The following FBXL13 variants were observed in gnomAD, a reference collection of about 807,000 sequenced individuals.
The protein encoded by FBXL13 is F-box and leucine rich repeat protein 13.
A neutral mutation model predicts 83.6 loss-of-function variants in FBXL13; 67 were observed. That is an observed-to-expected ratio of 0.80 (90% CI 0.66 to 0.98). The LOEUF (loss-of-function observed/expected upper bound fraction) is 0.98. Among genes scored for constraint, FBXL13 ranks in the 50% least tolerant of loss-of-function variants. The pLI, the probability that FBXL13 is intolerant of heterozygous loss-of-function variation, is 0.00. For missense variants in FBXL13, 822 were observed against 866.5 expected, an observed-to-expected ratio of 0.95 and a Z score of 0.64; for synonymous variants, 272 against 299.5, an observed-to-expected ratio of 0.91 and a Z score of 0.95.
chr7:102,879,443 G>A (rs1484099245), intron 14 of FBXL13, among the ~76,000 whole-genome samples: 2 of 150,170 alleles, frequency 1.3e-5, no homozygotes, highest in African/African-American at 2.5e-5. Flanking sequence ...TTAAGGATGT[G>A]TGTGTGTGTG....
At chr7:102,945,152 G>A (rs1005270661) in intron 8 of FBXL13, among the ~76,000 whole-genome samples, 2 of 152,072 alleles carry the variant, frequency 1.3e-5, no homozygotes, top group Admixed American at 6.6e-5. Flanking sequence ...ACTCTTCACT[G>A]ATCCTTGCAA....
intron 18 of FBXL13, among the ~76,000 whole-genome samples, chr7:102,831,430 C>T (rs1001323925): frequency 6.6e-6 from 1 of 151,260 alleles, no homozygotes; most frequent in African/African-American, 2.4e-5. Flanking sequence ...CACACACACA[C>T]ACCCCACTAC....
intron 17 of FBXL13, 150 bp downstream of exon 18, chr7:102,854,627 T>TTAATAAATAA: frequency 2.1e-6 from 1 of 480,396 alleles, no homozygotes; most frequent in South Asian, 4.2e-5. Context: ...ATTTTTATTT[T>TTAATAAATAA]GTAGTTACTT....
intron 6 of FBXL13, among the ~76,000 whole-genome samples, chr7:103,019,996 C>G (rs1057023256): frequency 1.3e-5 from 2 of 152,150 alleles, no homozygotes; most frequent in African/African-American, 2.4e-5. Context: ...CATCCTGATA[C>G]GAAAGCCTGG....
chr7:102,861,633 G>A (rs577565075), intron 16 of FBXL13, among the ~76,000 whole-genome samples: 4 of 152,294 alleles, frequency 2.6e-5, no homozygotes, highest in Non-Finnish European at 4.4e-5. Context: ...CATGAGAAGT[G>A]TTTGTTATAA....
intron 2 of FBXL13, chr7:103,031,010 C>T (rs1007698529): frequency 6.6e-6 from 1 of 152,114 alleles, no homozygotes; most frequent in Non-Finnish European, 1.5e-5. Flanking sequence ...GAAACAAACT[C>T]ACAATTTTTC....
At chr7:102,830,668 A>G (rs1044251951) in intron 18 of FBXL13, among the ~76,000 whole-genome samples, 3 of 152,204 alleles carry the variant, frequency 2.0e-5, no homozygotes, top group African/African-American at 7.2e-5. Context: ...TTAGCTAACC[A>G]TACAAACCAA....
At chr7:102,842,451 C>A (rs1051154271) in intron 17 of FBXL13, among the ~76,000 whole-genome samples, 1 of 152,230 alleles carries the variant, frequency 6.6e-6, no homozygotes, top group Admixed American at 6.5e-5. Context: ...CCAAAATCAA[C>A]TTTGGTTGAG....
rs76216685 is a variant in FBXL13, at chr7:102,836,455, A to G, written c.1720-3481T>C. Among the ~76,000 whole-genome samples, 2,139 of 152,328 alleles carry G rather than the reference A, an allele frequency of 0.014. 119 individuals carry two copies. In the East Asian group the frequency reaches 0.16, roughly 11 times the overall value. On this transcript the variant is annotated intron_variant, in intron 17 of 19. Coordinates refer to ENST00000313221, the Ensembl canonical transcript of FBXL13. ...CCATTTCCCCCCTACAGATAAGATT[A>G]CAATATACACTTCTGGCTCCAATGC...
chr7:103,007,742 C>T (rs981527442), intron 6 of FBXL13, among the ~76,000 whole-genome samples: 5 of 152,006 alleles, frequency 3.3e-5, no homozygotes, highest in Non-Finnish European at 7.4e-5. Context: ...CTTTCTCCTT[C>T]CCATAGAGTT....
intron 6 of FBXL13, among the ~76,000 whole-genome samples, chr7:103,014,921 C>CAAAAAA (rs1166056647): frequency 9.7e-5 from 2 of 20,624 alleles, no homozygotes; most frequent in Non-Finnish European, 2.6e-4. Flanking sequence ...GACTCCGTCT[C>CAAAAAA]AAAAAAAAAA....
In FBXL13 at chr7:102,949,156, C is replaced by T. The variant is rs575503427; in HGVS notation, c.724+14377G>A. 5.7e-4 allele frequency among the ~76,000 whole-genome samples: 87 copies of T among 152,290 alleles called. 2 individuals carry two copies. Among genetic ancestry groups the T allele is most frequent in the Admixed American group, 1.0e-3 (16 of 15,300 alleles). ...ATCTAACAGTCAGAAAACCAATCTT[C>T]CCAGAAATGTGTGTAATTCTTGACA... On this transcript the variant is annotated intron_variant, in intron 8 of 19. Coordinates refer to ENST00000313221, the Ensembl canonical transcript of FBXL13.
chr7:102,963,004 TATAA>T (rs1563157174), intron 8 of FBXL13, among the ~76,000 whole-genome samples: 1 of 126,618 alleles, frequency 7.9e-6, no homozygotes, highest in Non-Finnish European at 1.6e-5. Context: ...TATATATATA[TATAA>T]AAAAAAAAAA....
intron 6 of FBXL13, among the ~76,000 whole-genome samples, chr7:102,969,010 T>C (rs1826291033): frequency 6.6e-6 from 1 of 152,206 alleles, no homozygotes; most frequent in Admixed American, 6.5e-5. Context: ...TGTAATATCA[T>C]AGCACAAGTA....
intron 11 of FBXL13, among the ~76,000 whole-genome samples, chr7:102,886,364 T>C (rs1810792503): frequency 6.6e-6 from 1 of 152,096 alleles, no homozygotes; most frequent in Non-Finnish European, 1.5e-5. Context: ...GGAGACTTCA[T>C]TTGCGCCACC....
chr7:102,986,426 T>C (rs548823206), intron 6 of FBXL13, among the ~76,000 whole-genome samples: 2 of 152,278 alleles, frequency 1.3e-5, no homozygotes, highest in East Asian at 1.9e-4. Flanking sequence ...CAGAAAGCCA[T>C]GGCAACTGAC....
rs1434615576 is a variant in FBXL13 at position 102,858,417 on chromosome 7, A to G, written c.1636-3557T>C. The stretch of plus-strand genomic sequence containing the variant: ...CCATAATTTATTGTATATTTTCAAG[A>G]AACTAGAAGAGAGGATCTTTAGTGC... On this transcript the variant is annotated intron_variant, in intron 16 of 19. Transcript: ENST00000313221. Among the ~76,000 whole-genome samples, 5 of 152,220 alleles carry G rather than the reference A, an allele frequency of 3.3e-5. No homozygotes were observed. The East Asian group carries it at 9.6e-4, about 29-fold the overall frequency.
chr7:103,060,063 T>C (rs1329610053), intron 1 of FBXL13, among the ~76,000 whole-genome samples: 72 of 115,220 alleles, frequency 6.2e-4, no homozygotes, highest in East Asian at 2.6e-3. Context: ...TATATATATA[T>C]ACTTTTTTTT....
chr7:102,914,014 G>A (rs1002881461), intron 10 of FBXL13, among the ~76,000 whole-genome samples: 1 of 152,148 alleles, frequency 6.6e-6, no homozygotes, highest in Non-Finnish European at 1.5e-5. Context: ...CCATACGAGG[G>A]CTCGCAGTTT....
Sources: gnomAD v4.1 joint callset for allele counts (sites outside exome capture counted in the v4.1 genomes callset) on GRCh38, gnomAD v4.1.1 for gene constraint, MANE v1.5 for transcripts, NCBI Gene and HGNC (gene_info 2026-07-23, HGNC 2026-07-21) for gene names.